TJP1: variants seen among roughly 807,000 people sequenced by gnomAD.
TJP1 encodes tight junction protein 1, also known as tight junction protein ZO-1.
TJP1 carries 43 observed loss-of-function variants against 194.2 expected under a neutral mutation model. The observed-to-expected ratio is 0.22, with a 90% confidence interval of 0.17 to 0.29. The LOEUF (loss-of-function observed/expected upper bound fraction) is 0.29, where lower values mean the gene tolerates loss of function less well. Among genes scored for constraint, TJP1 ranks in the 10% least tolerant of loss-of-function variants. The probability of loss-of-function intolerance (pLI) is 1.00; values close to 1 mark genes in which losing one functional copy is unlikely to be tolerated. For missense variants in TJP1, 1,971 were observed against 2,185.7 expected (o/e 0.90, Z 1.96); for synonymous variants, 801 against 779.0 (o/e 1.03, Z -0.47).
chr15:29,888,030 G>T (rs887147895), intron 2 of TJP1, among the ~76,000 whole-genome samples: 5 of 152,024 alleles, frequency 3.3e-5, no homozygotes, highest in African/African-American at 1.2e-4. Context: ...GAAAAAAACT[G>T]AAACGATCTA....
chr15:29,920,671 A>G (rs555376981), intron 2 of TJP1, among the ~76,000 whole-genome samples: 1 of 151,974 alleles, frequency 6.6e-6, no homozygotes, highest in African/African-American at 2.4e-5. Flanking sequence ...GAGTGGGAGG[A>G]GCGGCCACTG....
chr15:29,757,388 T>C (rs139749730), intron 8 of TJP1, among the ~76,000 whole-genome samples: 8 of 152,214 alleles, frequency 5.3e-5, no homozygotes, highest in African/African-American at 1.9e-4. Context: ...ATAATTTACA[T>C]ACAATTTGTA....
At chr15:29,827,382 C>T (rs550938722), upstream of TJP1, among the ~76,000 whole-genome samples, 5 of 152,262 alleles carry the variant, frequency 3.3e-5, no homozygotes, top group African/African-American at 7.2e-5. Flanking sequence ...GCCCTCTGAC[C>T]GTCTGTACTT....
At chr15:29,837,357 A>G (rs971824984) in intron 2 of TJP1, among the ~76,000 whole-genome samples, 2 of 152,236 alleles carry the variant, frequency 1.3e-5, no homozygotes, top group Middle Eastern at 6.8e-3. Context: ...TCGGGACTTC[A>G]AGACCAGCCT....
intron 5 of TJP1, 113 bp from the exon 6 acceptor site, chr15:29,762,551 A>C (rs527986126): frequency 1.5e-6 from 1 of 667,294 alleles, no homozygotes; most frequent in African/African-American, 1.8e-5. Flanking sequence ...AAGTACAATC[A>C]ATAACAAGAA....
chr15:29,811,435 G>T (rs1449700019), intron 1 of TJP1, among the ~76,000 whole-genome samples: 8 of 148,010 alleles, frequency 5.4e-5, no homozygotes, highest in East Asian at 2.1e-4. Flanking sequence ...GGGTGGGGGT[G>T]GGGGGGTGGT....
intron 8 of TJP1, among the ~76,000 whole-genome samples, chr15:29,750,005 G>A (rs1042344254): frequency 2.0e-5 from 3 of 149,254 alleles, no homozygotes; most frequent in Non-Finnish European, 4.5e-5. Context: ...ACTGTGTCCG[G>A]CTAATTTTTT....
At chr15:29,965,186 C>CATTT (rs58512547) in intron 1 of TJP1, among the ~76,000 whole-genome samples, 5,674 of 148,318 alleles carry the variant, frequency 0.038, 196 homozygotes, top group African/African-American at 0.085. Context: ...TACATCCTCA[C>CATTT]ATTTATTTAT....
At chr15:29,838,612 CTGTGTG>C (rs34137363) in intron 2 of TJP1, among the ~76,000 whole-genome samples, 2 of 150,098 alleles carry the variant, frequency 1.3e-5, no homozygotes, top group Admixed American at 6.7e-5. Flanking sequence ...CTCTGTGTGT[CTGTGTG>C]TGTGTGTGTG....
intron 2 of TJP1, among the ~76,000 whole-genome samples, chr15:29,832,292 C>G (rs1361992082): frequency 6.6e-6 from 1 of 152,118 alleles, no homozygotes; most frequent in Admixed American, 6.5e-5. Context: ...AAATGAGACC[C>G]TGGCTGAGGG....
chr15:29,822,637 A>G (rs866178967), upstream of TJP1: 1 of 272,178 alleles, frequency 3.7e-6, no homozygotes. Flanking sequence ...GGGTAACCCA[A>G]GTAACTTGGA....
chr15:29,912,418 G>A (rs2054043766), intron 2 of TJP1, among the ~76,000 whole-genome samples: 1 of 152,146 alleles, frequency 6.6e-6, no homozygotes, highest in African/African-American at 2.4e-5. Flanking sequence ...TAGTCAAAGA[G>A]GTAGCTTGGG....
chr15:29,719,901 G>A lies in TJP1; in HGVS notation c.2879C>T (p.Thr960Ile). The A allele has an allele frequency of 6.2e-7, 1 of 1,614,102 alleles. No individual in the cohort carries two copies. The highest frequency in any genetic ancestry group is 8.5e-7 in the Non-Finnish European group (1 of 1,180,010). Reference protein sequence around the residue: ...NLTNVRLEEPTPAPSTSYSPQ... With the variant: ...NLTNVRLEEPIPAPSTSYSPQ... ...TGAGTAAGAGGTGGAAGGAGCTGGGGTGGGCTCCTCCAGTCTGACATTAGT... is the reference window on the plus strand; with the variant it reads ...TGAGTAAGAGGTGGAAGGAGCTGGGATGGGCTCCTCCAGTCTGACATTAGT... The change falls in exon 20 of 28, where the codon ACC becomes ATC. Residue 960 changes from threonine to isoleucine, a missense_variant. Coordinates refer to ENST00000614355, the MANE Select transcript of TJP1 (RefSeq NM_001330239.4).
intron 2 of TJP1, among the ~76,000 whole-genome samples, chr15:29,866,793 G>A (rs891626733): frequency 2.0e-5 from 3 of 152,204 alleles, no homozygotes; most frequent in Admixed American, 6.5e-5. Context: ...TAACGAGGCC[G>A]TCTGGCTGGA....
At position 29,708,846 on chromosome 15, in the gene TJP1, A is replaced by C. The variant is rs755876253; in HGVS notation, c.4563T>G (p.Thr1521=). 3 of 1,614,048 alleles carry C rather than the reference A, an allele frequency of 1.9e-6. No homozygotes were observed. Among genetic ancestry groups the C allele is most frequent in the South Asian group, 2.2e-5 (2 of 91,090 alleles). ...TTGGTGTGAATCGATTGTATGCTGG[A>C]GTGACTGTTTTCTGAGTCTGTTCAG... is the stretch of plus-strand genomic sequence containing the variant. ...NGTEQTQKTV[T]PAYNRFTPKP... Residue 1521 remains threonine (T), a synonymous_variant, in exon 25 of 28, where the codon ACT becomes ACG. Transcript: ENST00000614355.
chr15:29,822,577 G>A, upstream of TJP1: 1 of 739,652 alleles, frequency 1.4e-6, no homozygotes, highest in Non-Finnish European at 1.7e-6. Context: ...GCGGGGGAGG[G>A]GGCGGGACGA....
chr15:29,942,930 C>T (rs1246979050), intron 2 of TJP1, among the ~76,000 whole-genome samples: 1 of 152,116 alleles, frequency 6.6e-6, no homozygotes, highest in African/African-American at 2.4e-5. Flanking sequence ...TTTGGTTAAT[C>T]AACAATCTTT....
chr15:29,815,663 AT>A (rs1257308155), intron 1 of TJP1, among the ~76,000 whole-genome samples: 4 of 152,224 alleles, frequency 2.6e-5, no homozygotes, highest in African/African-American at 4.8e-5. Flanking sequence ...AGTAAGGTGA[AT>A]TTTTATCATA....
At chr15:29,778,384 A>G (rs1220914706) in intron 2 of TJP1, among the ~76,000 whole-genome samples, 1 of 151,940 alleles carries the variant, frequency 6.6e-6, no homozygotes, top group Non-Finnish European at 1.5e-5. Context: ...CAGGAACGAG[A>G]GCTGCAGCTT....
Sources: gnomAD v4.1 joint callset for allele counts (sites outside exome capture counted in the v4.1 genomes callset) on GRCh38, gnomAD v4.1.1 for gene constraint, MANE v1.5 for transcripts, NCBI Gene and HGNC (gene_info 2026-07-23, HGNC 2026-07-21) for gene names.